SLC24A4: variants seen among roughly 807,000 people sequenced by gnomAD.
SLC24A4 encodes solute carrier family 24 member 4.
A neutral mutation model predicts 79.0 loss-of-function variants in SLC24A4; 53 were observed. That is an observed-to-expected ratio of 0.67 (90% CI 0.54 to 0.84). SLC24A4 has a LOEUF of 0.84. Ranked by LOEUF, SLC24A4 falls within the 40% of genes least tolerant of loss-of-function variation. The pLI is 0.00. For missense variants in SLC24A4, 731 were observed against 822.0 expected, an observed-to-expected ratio of 0.89 and a Z score of 1.35; for synonymous variants, 323 against 323.8, an observed-to-expected ratio of 1.00 and a Z score of 0.03.
intron 12 of SLC24A4, among the ~76,000 whole-genome samples, chr14:92,465,412 A>G (rs1479374722): frequency 6.6e-6 from 1 of 152,174 alleles, no homozygotes; most frequent in African/African-American, 2.4e-5. Flanking sequence ...AGAATGAGGG[A>G]GCTGGTGCTT....
chr14:92,457,090 C>T (rs1893519182), intron 12 of SLC24A4, among the ~76,000 whole-genome samples: 1 of 152,218 alleles, frequency 6.6e-6, no homozygotes, highest in African/African-American at 2.4e-5. Flanking sequence ...TTGAAGATAT[C>T]TCCTACCTAT....
At chr14:92,417,153 C>T (rs989227763) in intron 2 of SLC24A4, among the ~76,000 whole-genome samples, 1 of 152,138 alleles carries the variant, frequency 6.6e-6, no homozygotes, top group African/African-American at 2.4e-5. Context: ...TACAGTCATG[C>T]ACCATATAAC....
intron 12 of SLC24A4, among the ~76,000 whole-genome samples, chr14:92,478,010 T>C (rs1894868033): frequency 1.3e-5 from 2 of 152,044 alleles, no homozygotes; most frequent in African/African-American, 4.8e-5. Context: ...TTTCACCACG[T>C]TGGCCAGGCT....
intron 2 of SLC24A4, among the ~76,000 whole-genome samples, chr14:92,338,775 G>C (rs1277615021): frequency 1.3e-5 from 2 of 152,254 alleles, no homozygotes; most frequent in East Asian, 3.8e-4. Flanking sequence ...CTGACCTCAG[G>C]TGGAAAGCCA....
rs769277862 is a variant in SLC24A4 at position 92,482,602 on chromosome 14, C to T, written c.1256-78C>T. On this transcript the variant is annotated intron_variant, in intron 12 of 16. Transcript: ENST00000532405. ...CTCTTATTTAGCTTGAAGACTAAAT[C>T]GACAGGTAGACTGGCAGGTGTGTTA... 601 of 1,383,540 alleles carry T rather than the reference C, an allele frequency of 4.3e-4. 2 individuals are homozygous for T. The highest frequency in any genetic ancestry group is 4.8e-4 in the Non-Finnish European group (490 of 1,019,830). The allele number at this position is 1,383,540 out of a possible 1,614,324, so 85.7% of individuals were successfully genotyped here.
At chr14:92,369,719 G>T (rs1426920752) in intron 2 of SLC24A4, among the ~76,000 whole-genome samples, 1 of 152,176 alleles carries the variant, frequency 6.6e-6, no homozygotes, top group Non-Finnish European at 1.5e-5. Flanking sequence ...CATTCTTCAT[G>T]GTGGGGGCTG....
intron 2 of SLC24A4, among the ~76,000 whole-genome samples, chr14:92,338,803 T>A (rs566190395): frequency 6.6e-6 from 1 of 152,354 alleles, no homozygotes; most frequent in South Asian, 2.1e-4. Context: ...GTTTAGCTCA[T>A]GGCAGATTGC....
At chr14:92,436,723 C>A (rs78794460) in intron 3 of SLC24A4, among the ~76,000 whole-genome samples, 1 of 152,118 alleles carries the variant, frequency 6.6e-6, no homozygotes, top group African/African-American at 2.4e-5. Context: ...GAAATCGGGG[C>A]GCCATCTTGG....
At chr14:92,395,413 T>TCAAAA (rs967915367) in intron 2 of SLC24A4, among the ~76,000 whole-genome samples, 23 of 141,700 alleles carry the variant, frequency 1.6e-4, no homozygotes, top group Admixed American at 1.1e-3. Flanking sequence ...CAGGGATGAT[T>TCAAAA]CAAAACAAAA....
chr14:92,411,010 G>C (rs1039547962), intron 2 of SLC24A4, among the ~76,000 whole-genome samples: 1 of 152,136 alleles, frequency 6.6e-6, no homozygotes, highest in Non-Finnish European at 1.5e-5. Context: ...GCATGGATTT[G>C]AGCACCTCTT....
rs1566807585 is a variant in SLC24A4 at position 92,490,079 on chromosome 14, G to A, written c.1538-1586G>A. 6.6e-6 allele frequency among the ~76,000 whole-genome samples: 1 copy of A among 152,096 alleles called. No homozygotes were observed. Among genetic ancestry groups the A allele is most frequent in the Non-Finnish European group, 1.5e-5 (1 of 68,030 alleles). Reference sequence around the variant, plus strand: ...ATGACAGCAACAAGCAGGGGAGGAGGAGGTGACCTAGCTATGCAACATGGG... The same window carrying A: ...ATGACAGCAACAAGCAGGGGAGGAGAAGGTGACCTAGCTATGCAACATGGG... On this transcript the variant is annotated intron_variant, in intron 14 of 16. Transcript: ENST00000532405. This position sits in a 1 kb window ranked among gnomAD's most constrained non-coding sequence, Gnocchi z 4.3.
chr14:92,344,370 T>C (rs1886402536), intron 2 of SLC24A4, among the ~76,000 whole-genome samples: 1 of 152,158 alleles, frequency 6.6e-6, no homozygotes, highest in South Asian at 2.1e-4. Context: ...CCACTGATAT[T>C]TGGGGGATTG....
chr14:92,331,240 A>G (rs1885459956), intron 2 of SLC24A4, among the ~76,000 whole-genome samples: 2 of 152,096 alleles, frequency 1.3e-5, no homozygotes, highest in Non-Finnish European at 2.9e-5. Context: ...CTGTCATGGC[A>G]TCTTGTTTTT....
At chr14:92,405,682 G>A (rs1595229568) in intron 2 of SLC24A4, among the ~76,000 whole-genome samples, 1 of 152,034 alleles carries the variant, frequency 6.6e-6, no homozygotes, top group South Asian at 2.1e-4. Context: ...AGAGAGAAGG[G>A]GGAGCTTCCA....
intron 2 of SLC24A4, among the ~76,000 whole-genome samples, chr14:92,361,386 A>G (rs1052146631): frequency 6.6e-6 from 1 of 151,932 alleles, no homozygotes; most frequent in East Asian, 1.9e-4. Flanking sequence ...GGAAAGTGCA[A>G]AGGAGGGGGC....
intron 2 of SLC24A4, among the ~76,000 whole-genome samples, chr14:92,412,606 G>A (rs1432879345): frequency 6.6e-6 from 1 of 152,074 alleles, no homozygotes. Context: ...GTGTCACCAT[G>A]CCCTCATCCC....
At chr14:92,322,763 C>T (rs914198480), upstream of SLC24A4, 3 of 152,106 alleles carry the variant, frequency 2.0e-5, no homozygotes, top group Admixed American at 6.5e-5. Flanking sequence ...AATTAATTTT[C>T]TCCTGCATCT....
At chr14:92,408,780 A>G (rs552974556) in intron 2 of SLC24A4, among the ~76,000 whole-genome samples, 1 of 152,208 alleles carries the variant, frequency 6.6e-6, no homozygotes, top group Non-Finnish European at 1.5e-5. Context: ...GAAGCAAATT[A>G]ATCTATACTT....
intron 16 of SLC24A4, 110 bp downstream of exon 16, chr14:92,492,350 A>AC: frequency 8.7e-6 from 9 of 1,028,924 alleles, no homozygotes; most frequent in South Asian, 1.4e-5. Context: ...CTTGGTAGTG[A>AC]AGGATAAAGG....
Sources: allele counts gnomAD v4.1 joint callset (sites outside exome capture counted in the v4.1 genomes callset), GRCh38; gene constraint gnomAD v4.1.1; non-coding constraint Gnocchi (gnomAD v3.1); transcripts MANE v1.5; gene names NCBI Gene and HGNC (gene_info 2026-07-23, HGNC 2026-07-21).